PEX14: variants seen among roughly 807,000 people sequenced by gnomAD.
PEX14 encodes peroxisomal biogenesis factor 14.
A neutral mutation model predicts 49.5 loss-of-function variants in PEX14; 15 were observed. That is an observed-to-expected ratio of 0.30 (90% confidence interval 0.20 to 0.47). PEX14 has a LOEUF of 0.47. Among genes scored for constraint, PEX14 ranks in the 20% least tolerant of loss-of-function variants. The probability of loss-of-function intolerance (pLI) is 1.00; values close to 1 mark genes in which losing one functional copy is unlikely to be tolerated. For missense variants in PEX14, 398 were observed against 494.8 expected (o/e 0.80, Z 1.86); for synonymous variants, 210 against 212.7 (o/e 0.99, Z 0.11).
chr1:10,600,899 C>T (rs1425352208), intron 4 of PEX14, among the ~76,000 whole-genome samples: 3 of 151,160 alleles, frequency 2.0e-5, no homozygotes, highest in Non-Finnish European at 4.4e-5. Flanking sequence ...TTTGGGAGGC[C>T]GAGGCGGGTG....
At chr1:10,595,647 G>T (rs1197434511) in intron 3 of PEX14, among the ~76,000 whole-genome samples, 2 of 152,226 alleles carry the variant, frequency 1.3e-5, no homozygotes, top group African/African-American at 4.8e-5. Flanking sequence ...GGACTTAGAT[G>T]AATAGAGGAG....
rs1176883781 is a variant in PEX14 at position 10,512,595 on chromosome 1, G to C, written c.84+17274G>C. 6.6e-6 allele frequency among the ~76,000 whole-genome samples: 1 copy of C among 152,130 alleles called. No homozygotes were observed. Among genetic ancestry groups the C allele is most frequent in the Non-Finnish European group, 1.5e-5 (1 of 68,020 alleles). ...ATTTGTCAAATCCTTAAATCCAACT[G>C]AACTAATTTTAGAAGTAGCTAGTTA... On this transcript the variant is annotated intron_variant, in intron 2 of 8. Coordinates refer to ENST00000356607, the MANE Select transcript of PEX14 (RefSeq NM_004565.3). This position sits in a 1 kb window ranked among gnomAD's most constrained non-coding sequence, Gnocchi z 4.6.
chr1:10,540,382 C>A (rs564920822), intron 3 of PEX14, among the ~76,000 whole-genome samples: 1 of 152,126 alleles, frequency 6.6e-6, no homozygotes, highest in African/African-American at 2.4e-5. Flanking sequence ...AATGGAATCT[C>A]GTTACCATGA....
chr1:10,558,295 A>G (rs1006766688), intron 3 of PEX14, among the ~76,000 whole-genome samples: 2 of 152,096 alleles, frequency 1.3e-5, no homozygotes, highest in Non-Finnish European at 2.9e-5. Flanking sequence ...CGTGTGAGCC[A>G]CCGTGCCCGG....
chr1:10,505,076 C>T (rs1557815922), intron 2 of PEX14, among the ~76,000 whole-genome samples: 1 of 152,194 alleles, frequency 6.6e-6, no homozygotes, highest in Non-Finnish European at 1.5e-5. Context: ...AGGCATGAGC[C>T]ACCATACCTG....
Position 10,495,181 on chromosome 1 carries a change from A to G in PEX14, c.37-93A>G. On this transcript the variant is annotated intron_variant, in intron 1 of 8. Coordinates refer to ENST00000356607, the MANE Select transcript of PEX14 (RefSeq NM_004565.3). The surrounding 1 kb of genome is among the most constrained non-coding windows in gnomAD (Gnocchi z 4.2). ...GTGAGAGATGTGAGAAAGAGGTGCC[A>G]GCGTGCATCGTTTGAGAACGGAACA... is the stretch of plus-strand genomic sequence containing the variant. 6.3e-7 allele frequency: 1 copy of G among 1,575,316 alleles called. No individual in the cohort carries two copies. Among genetic ancestry groups the G allele is most frequent in the Non-Finnish European group, 8.7e-7 (1 of 1,148,732 alleles).
chr1:10,514,127 GGA>G lies in PEX14; in HGVS notation c.84+18807_84+18808del. ...AAGAAAAGAAGGAAATAGAAAAAAA[GGA>G]AAAAATGTATAAAATAATCTATGCC... On this transcript the variant is annotated intron_variant, in intron 2 of 8. Transcript: ENST00000356607. The surrounding 1 kb of genome is among the most constrained non-coding windows in gnomAD (Gnocchi z 4.4). 1.0e-5 allele frequency among the ~76,000 whole-genome samples: 1 copy of G among 99,280 alleles called. No homozygotes were observed. The allele number at this position is 99,280 out of a possible 152,430, so 65.1% of individuals were successfully genotyped here.
chr1:10,623,198 C>G lies in PEX14; in HGVS notation c.487+77C>G. On this transcript the variant is annotated intron_variant, in intron 6 of 8. Transcript: ENST00000356607. The surrounding 1 kb of genome is among the most constrained non-coding windows in gnomAD (Gnocchi z 4.4). ...CCCCTTCTCTGCCCCTCCCCTCTCC[C>G]TCTGTCTCCACTCTATGTGGTGACT... 1 of 890,190 alleles carries G rather than the reference C, an allele frequency of 1.1e-6. No individual in the cohort carries two copies. Among genetic ancestry groups the G allele is most frequent in the Non-Finnish European group, 1.9e-6 (1 of 538,566 alleles). 55.1% of individuals were successfully genotyped at this position (890,190 alleles called of 1,614,324 possible).
intron 3 of PEX14, among the ~76,000 whole-genome samples, chr1:10,581,801 G>A (rs1640330000): frequency 6.7e-6 from 1 of 149,778 alleles, no homozygotes; most frequent in Non-Finnish European, 1.5e-5. Context: ...AAAATAATTT[G>A]AAAGGCTTTT....
At chr1:10,603,571 G>A (rs908163023) in intron 4 of PEX14, among the ~76,000 whole-genome samples, 3 of 152,100 alleles carry the variant, frequency 2.0e-5, no homozygotes, top group Non-Finnish European at 4.4e-5. Flanking sequence ...TGATTCGAGA[G>A]AAGATTTGAA....
intron 1 of PEX14, among the ~76,000 whole-genome samples, chr1:10,481,530 C>T (rs897094236): frequency 6.6e-6 from 1 of 152,026 alleles, no homozygotes; most frequent in Non-Finnish European, 1.5e-5. Context: ...TAGCCTTGAC[C>T]TCCTGGGTTC....
chr1:10,508,531 C>G lies in PEX14; in HGVS notation c.84+13210C>G, dbSNP rs377449311. ...TTTTAGATTGGGGGCCCAAGACTGACATATGGGCAACTTGTGCCTTGTCAG... is the reference window on the plus strand; with the variant it reads ...TTTTAGATTGGGGGCCCAAGACTGAGATATGGGCAACTTGTGCCTTGTCAG... On this transcript the variant is annotated intron_variant, in intron 2 of 8. Transcript: ENST00000356607. Among the ~76,000 whole-genome samples the G allele has an allele frequency of 1.2e-4, 18 of 152,244 alleles. No homozygotes were observed. The East Asian group carries it at 2.7e-3, about 23-fold the overall frequency.
At chr1:10,587,346 T>C (rs1284745161) in intron 3 of PEX14, among the ~76,000 whole-genome samples, 2 of 151,970 alleles carry the variant, frequency 1.3e-5, no homozygotes, top group Non-Finnish European at 2.9e-5. Flanking sequence ...TCCCAGCTTC[T>C]CGGTAGGCTG....
chr1:10,508,734 T>A lies in PEX14; in HGVS notation c.84+13413T>A, dbSNP rs76186608. Among the ~76,000 whole-genome samples the A allele has an allele frequency of 2.6e-5, 4 of 152,326 alleles. No individual in the cohort carries two copies. The East Asian group carries it at 7.7e-4, about 29-fold the overall frequency. ...CGGGGAAGCAAATTGGCCGTGACAT[T>A]TCAGCCATGTGAGGTTTATTTAGGA... On this transcript the variant is annotated intron_variant, in intron 2 of 8. Transcript: ENST00000356607.
At chr1:10,551,402 T>C (rs1316407903) in intron 3 of PEX14, among the ~76,000 whole-genome samples, 1 of 152,188 alleles carries the variant, frequency 6.6e-6, no homozygotes, top group African/African-American at 2.4e-5. Flanking sequence ...CGAACCTCCA[T>C]GAAGCCGAGC....
At chr1:10,520,161 T>TTTTTTTTTTTTTTTTTTTTTTTTTTTA (rs1557824082) in intron 2 of PEX14, among the ~76,000 whole-genome samples, 1 of 100,896 alleles carries the variant, frequency 9.9e-6, no homozygotes, top group Non-Finnish European at 2.2e-5. Flanking sequence ...TTTTTTTTTT[T>TTTTTTTTTTTTTTTTTTTTTTTTTTTA]TGTTTTTTTA....
chr1:10,490,364 T>C (rs990511646), intron 1 of PEX14, among the ~76,000 whole-genome samples: 1 of 152,182 alleles, frequency 6.6e-6, no homozygotes, highest in Non-Finnish European at 1.5e-5. Context: ...TGGGTTCTCC[T>C]AGACCTGGAG....
chr1:10,475,824 C>T (rs1360671681), intron 1 of PEX14, among the ~76,000 whole-genome samples: 2 of 152,212 alleles, frequency 1.3e-5, no homozygotes, highest in Admixed American at 6.5e-5. Flanking sequence ...ATTTAACTGC[C>T]TGTGTGGTGT....
rs139145229 is a variant in PEX14 at position 10,513,812 on chromosome 1, G to C, written c.84+18491G>C. Among the ~76,000 whole-genome samples the C allele has an allele frequency of 4.9e-3, 747 of 152,312 alleles. 8 individuals are homozygous for C. The highest frequency in any genetic ancestry group is 0.017 in the African/African-American group (711 of 41,560). On this transcript the variant is annotated intron_variant, in intron 2 of 8. Coordinates refer to ENST00000356607, the MANE Select transcript of PEX14 (RefSeq NM_004565.3). Reference sequence around the variant, plus strand: ...TTTCACTGGCTGCTATATTGACTGGGAAAGGGAAAGGGGCCGTATTGCCGG... The same window carrying C: ...TTTCACTGGCTGCTATATTGACTGGCAAAGGGAAAGGGGCCGTATTGCCGG...
Sources: allele counts gnomAD v4.1 joint callset (sites outside exome capture counted in the v4.1 genomes callset), GRCh38; gene constraint gnomAD v4.1.1; non-coding constraint Gnocchi (gnomAD v3.1); transcripts MANE v1.5; gene names NCBI Gene and HGNC (gene_info 2026-07-23, HGNC 2026-07-21).